Variants in TNFSF4 observed in about 807,000 individuals in gnomAD.
TNFSF4 encodes TNF superfamily member 4, also known as tumor necrosis factor ligand superfamily member 4.
In TNFSF4, 4 loss-of-function variants were observed where a neutral mutation model predicts 7.3. The observed-to-expected ratio is 0.55, with a 90% CI of 0.27 to 1.25. The LOEUF (loss-of-function observed/expected upper bound fraction) is 1.25. Among genes scored for constraint, TNFSF4 ranks in the 50% most tolerant of loss-of-function variants. TNFSF4 has a pLI of 0.12. For missense variants in TNFSF4, 181 were observed against 208.8 expected, an observed-to-expected ratio of 0.87 and a Z score of 0.82; for synonymous variants, 76 against 83.7, an observed-to-expected ratio of 0.91 and a Z score of 0.50.
At chr1:173,197,963 G>T (rs1408443641) in intron 1 of TNFSF4, among the ~76,000 whole-genome samples, 1 of 151,860 alleles carries the variant, frequency 6.6e-6, no homozygotes, top group African/African-American at 2.4e-5. Context: ...AATTATATAA[G>T]AACTCTTTTC....
At chr1:173,198,509 C>T (rs1649803627) in intron 1 of TNFSF4, among the ~76,000 whole-genome samples, 1 of 152,188 alleles carries the variant, frequency 6.6e-6, no homozygotes, top group Non-Finnish European at 1.5e-5. Flanking sequence ...AAATGAGCAA[C>T]TAAGATTATT....
chr1:173,372,239 C>T, the TNFSF4 span, among the ~76,000 whole-genome samples: 1 of 152,126 alleles, frequency 6.6e-6, no homozygotes, highest in Non-Finnish European at 1.5e-5. Context: ...TGCAGGGGTT[C>T]CTTGGGATCA....
the TNFSF4 span, among the ~76,000 whole-genome samples, chr1:173,403,871 C>T: frequency 3.3e-5 from 5 of 151,040 alleles, no homozygotes; most frequent in African/African-American, 1.2e-4. Flanking sequence ...CACTGCACTC[C>T]AGCCTGGGCG....
the TNFSF4 span, among the ~76,000 whole-genome samples, chr1:173,317,242 C>T: frequency 6.6e-6 from 1 of 152,200 alleles, no homozygotes; most frequent in African/African-American, 2.4e-5. Context: ...CTGTCCCATC[C>T]ACCAGCTGAA....
At chr1:173,404,694 C>T in the TNFSF4 span, among the ~76,000 whole-genome samples, 12 of 151,324 alleles carry the variant, frequency 7.9e-5, no homozygotes, top group South Asian at 2.1e-4. Context: ...TGCAGTGGCA[C>T]GATCTCAGCT....
At chr1:173,214,659 C>T in the TNFSF4 span, among the ~76,000 whole-genome samples, 11 of 152,186 alleles carry the variant, frequency 7.2e-5, no homozygotes, top group African/African-American at 1.7e-4. Flanking sequence ...CACTGAAAGC[C>T]GTCCTGGGCC....
chr1:173,195,902 G>T (rs72722850), intron 1 of TNFSF4, among the ~76,000 whole-genome samples: 2,668 of 152,280 alleles, frequency 0.018, 27 homozygotes, highest in Non-Finnish European at 0.027. Context: ...GGACTCCCCA[G>T]TTCACCAAAC....
the TNFSF4 span, among the ~76,000 whole-genome samples, chr1:173,330,945 C>A: frequency 1.3e-5 from 2 of 149,368 alleles, no homozygotes; most frequent in South Asian, 4.2e-4. Context: ...AGTGCAATGG[C>A]GCGATCTCGG....
chr1:173,177,989 A>G, the TNFSF4 span, among the ~76,000 whole-genome samples: 1 of 152,210 alleles, frequency 6.6e-6, no homozygotes, highest in Non-Finnish European at 1.5e-5. Flanking sequence ...TTCAGAATAG[A>G]AAAACTAGCC....
At chr1:173,246,295 C>T in the TNFSF4 span, among the ~76,000 whole-genome samples, 1 of 152,144 alleles carries the variant, frequency 6.6e-6, no homozygotes, top group African/African-American at 2.4e-5. Context: ...TCCTAATGTT[C>T]TCCATCCCCT....
the TNFSF4 span, among the ~76,000 whole-genome samples, chr1:173,406,616 TACTC>T: frequency 6.6e-6 from 1 of 152,222 alleles, no homozygotes; most frequent in Non-Finnish European, 1.5e-5. Flanking sequence ...TTAATTATTA[TACTC>T]ACTATTTCTT....
At chr1:173,193,725 C>A (rs1243232977) in intron 1 of TNFSF4, among the ~76,000 whole-genome samples, 1 of 150,282 alleles carries the variant, frequency 6.7e-6, no homozygotes, top group East Asian at 1.9e-4. Context: ...AGAGCCCACA[C>A]TCCAGGCTTC....
At chr1:173,329,526 C>T in the TNFSF4 span, among the ~76,000 whole-genome samples, 3 of 152,026 alleles carry the variant, frequency 2.0e-5, no homozygotes, top group South Asian at 4.2e-4. Context: ...TGTACTGCGG[C>T]TATATAAAAT....
At chr1:173,424,012 G>A in the TNFSF4 span, among the ~76,000 whole-genome samples, 2 of 152,124 alleles carry the variant, frequency 1.3e-5, no homozygotes. Flanking sequence ...AAAAAGGGGG[G>A]TGAATGCTGT....
chr1:173,416,105 C>A, the TNFSF4 span, among the ~76,000 whole-genome samples: 1 of 152,106 alleles, frequency 6.6e-6, no homozygotes, highest in African/African-American at 2.4e-5. Flanking sequence ...GTAGAGCCAA[C>A]CCAGGCTCTC....
chr1:173,401,623 T>C, the TNFSF4 span, among the ~76,000 whole-genome samples: 2 of 152,162 alleles, frequency 1.3e-5, no homozygotes, highest in South Asian at 2.1e-4. Flanking sequence ...CCCAACTTCT[T>C]AGGCCTCAAG....
chr1:173,215,629 A>C, the TNFSF4 span, among the ~76,000 whole-genome samples: 7 of 152,222 alleles, frequency 4.6e-5, 1 homozygote, highest in South Asian at 1.0e-3. Context: ...ACAAACAAAA[A>C]ACCTGTAAGC....
At chr1:173,374,991 A>G in the TNFSF4 span, among the ~76,000 whole-genome samples, 6 of 152,282 alleles carry the variant, frequency 3.9e-5, no homozygotes, top group Non-Finnish European at 8.8e-5. Flanking sequence ...GCAATCCCAA[A>G]TAGACTCTTT....
chr1:173,210,870 G>A (rs192742946), upstream of TNFSF4, among the ~76,000 whole-genome samples: 25 of 152,230 alleles, frequency 1.6e-4, 1 homozygote, highest in East Asian at 3.1e-3. Flanking sequence ...CCTCCATCCT[G>A]GTACAGGAAG....
Sources: allele counts gnomAD v4.1 joint callset (sites outside exome capture counted in the v4.1 genomes callset), GRCh38; gene constraint gnomAD v4.1.1; transcripts MANE v1.5; gene names NCBI Gene and HGNC (gene_info 2026-07-23, HGNC 2026-07-21).